ATP8B3: variants seen among roughly 807,000 people sequenced by gnomAD.
The protein encoded by ATP8B3 is ATPase phospholipid transporting 8B3, also known as phospholipid-transporting ATPase IK.
In ATP8B3, 141 loss-of-function variants were observed where a neutral mutation model predicts 140.9. The ratio of observed to expected loss-of-function variants is 1.00; its 90% CI spans 0.87 to 1.15. The LOEUF is 1.15. Ranked by LOEUF, ATP8B3 falls within the 50% of genes most tolerant of loss-of-function variation. ATP8B3 has a pLI of 0.00. For missense variants in ATP8B3, 1,874 were observed against 1,740.6 expected (o/e 1.08, Z -1.36); for synonymous variants, 765 against 714.6 (o/e 1.07, Z -1.13).
In ATP8B3 at chr19:1,789,012, T is replaced by TA. The variant is rs746818110; in HGVS notation, c.2953_2954insT (p.His985LeufsTer43). On this transcript the variant is annotated frameshift_variant, in exon 24 of 29. Coordinates refer to ENST00000310127, the MANE Select transcript of ATP8B3 (RefSeq NM_138813.4). LOFTEE classifies it high-confidence loss of function. ...GATCCGCACGTAGGACCAGCGGCCG[T>TA]GCACCAGCAGGAGGCGCTGCAGGAA... The TA allele has an allele frequency of 6.2e-7, 1 of 1,610,130 alleles. No homozygotes were observed. Among genetic ancestry groups the TA allele is most frequent in the South Asian group, 1.1e-5 (1 of 90,372 alleles).
rs1289722521 is a variant in ATP8B3, at chr19:1,808,230, T to C, written c.508A>G (p.Ile170Val). ...GAGGCAACACGCCTCACCTGCAGGA[T>C]GATGATGATGAGGAAGAACAGGTTG... ...VSNLFFLIII[I>V]LQSIPDISTL... is the part of the protein sequence containing the mutation. Residue 170 changes from isoleucine to valine, a missense_variant, in exon 5 of 29, where the codon ATC (isoleucine) becomes GTC (valine). Ile to Val is a conservative substitution (Grantham distance 29). Transcript: ENST00000310127. The C allele has an allele frequency of 1.2e-6, 2 of 1,601,570 alleles. No homozygotes were observed. Among genetic ancestry groups the C allele is most frequent in the African/African-American group, 2.7e-5 (2 of 74,730 alleles).
chr19:1,790,116 C>G, intron 21 of ATP8B3, 127 bp from the exon 22 acceptor site: 1 of 658,364 alleles, frequency 1.5e-6, no homozygotes, highest in Admixed American at 2.3e-5. Context: ...CTCCTCCCCA[C>G]TTCCCTCTTC....
rs775535225 is a variant in ATP8B3, at chr19:1,791,794, T to C, written c.2258A>G (p.Lys753Arg). ...CACCCATATTTTGATGTTGCTCTTC[T>C]TGAGACATTTGATGGTTTCAGGGAC... ...DGVPETIKCL[K>R]KSNIKIWVLT... The change falls in exon 20 of 29, where the codon AAG becomes AGG. Residue 753 changes from lysine to arginine, a missense_variant. Coordinates refer to ENST00000310127, the MANE Select transcript of ATP8B3 (RefSeq NM_138813.4). The C allele has an allele frequency of 1.2e-6, 2 of 1,612,000 alleles. No homozygotes were observed. The highest frequency in any genetic ancestry group is 8.5e-7 in the Non-Finnish European group (1 of 1,179,826).
chr19:1,804,619 A>G (rs2068955348), intron 10 of ATP8B3, among the ~76,000 whole-genome samples: 1 of 151,926 alleles, frequency 6.6e-6, no homozygotes, highest in Non-Finnish European at 1.5e-5. Context: ...AAAAAAAAAA[A>G]GAAAAAAGAA....
rs867287725 is a variant in ATP8B3, at chr19:1,806,730, C to T, written c.616-41G>A. 1.3e-6 allele frequency: 2 copies of T among 1,546,898 alleles called. No homozygotes were observed. The highest frequency in any genetic ancestry group is 1.7e-6 in the Non-Finnish European group (2 of 1,143,622). On this transcript the variant is annotated intron_variant, in intron 6 of 28. Transcript: ENST00000310127. The surrounding 1 kb of genome is among the most constrained non-coding windows in gnomAD (Gnocchi z 5.6). The stretch of plus-strand genomic sequence containing the variant: ...AAGGATCAGAGAGACCGTCCAGCCT[C>T]TCCTGCCCCCGCCCAGGCCGCTGCC...
In ATP8B3 at chr19:1,805,465, G is replaced by A. The variant is rs371244758; in HGVS notation, c.822-9C>T. The A allele has an allele frequency of 4.0e-5, 62 of 1,553,636 alleles. No individual in the cohort carries two copies. In the African/African-American group the frequency reaches 4.8e-4, roughly 12 times the overall value. On this transcript the variant is annotated splice_polypyrimidine_tract_variant and intron_variant, in intron 9 of 28. Coordinates refer to ENST00000310127, the MANE Select transcript of ATP8B3 (RefSeq NM_138813.4). This position sits in a 1 kb window ranked among gnomAD's most constrained non-coding sequence, Gnocchi z 5.2. ...ACTTCAAGTTGGTCTCCCTGGTGACGAGGAGAGGAGGGAGGTGAAAGTGGA... is the reference window on the plus strand; with the variant it reads ...ACTTCAAGTTGGTCTCCCTGGTGACAAGGAGAGGAGGGAGGTGAAAGTGGA...
chr19:1,812,037 G>A (rs572525163), intron 1 of ATP8B3, 149 bp downstream of exon 1: 133 of 334,530 alleles, frequency 4.0e-4, no homozygotes, highest in African/African-American at 2.5e-3. Flanking sequence ...AGGGCTGTCT[G>A]CACCCGCCCC....
chr19:1,809,730 G>T lies in ATP8B3; in HGVS notation c.315C>A (p.Phe105Leu). Reference protein sequence around the residue: ...DLQDEDRNSAFTWKVQANNRA... With the variant: ...DLQDEDRNSALTWKVQANNRA... ...GGTTGTTGGCCTGGACCTTCCAGGT[G>T]AATGCTGCAGCGAGAGAGCCGGGCG... Residue 105 changes from phenylalanine to leucine, a missense_variant, in exon 4 of 29, where the codon TTC becomes TTA. This residue lies in a region of ATP8B3 where 1,032 missense variants were observed against 963.6 expected (regional missense o/e 1.07). Transcript: ENST00000310127. 6.2e-7 allele frequency: 1 copy of T among 1,606,898 alleles called. No homozygotes were observed. Among genetic ancestry groups the T allele is most frequent in the Non-Finnish European group, 8.5e-7 (1 of 1,177,048 alleles).
At position 1,805,853 on chromosome 19, in the gene ATP8B3, C is replaced by G. The variant is rs762819073; in HGVS notation, c.821+35G>C. ...GGCTCCTCCGGGCCATGCTCCCCAC[C>G]CCCCAGGGTCCCCAGCGATGCCACA... On this transcript the variant is annotated intron_variant, in intron 9 of 28. Transcript: ENST00000310127. This position sits in a 1 kb window ranked among gnomAD's most constrained non-coding sequence, Gnocchi z 5.2. 1 of 1,611,294 alleles carries G rather than the reference C, an allele frequency of 6.2e-7. No individual in the cohort carries two copies.
At chr19:1,784,759 C>T in intron 28 of ATP8B3, 60 bp downstream of exon 28, 1 of 1,522,724 alleles carries the variant, frequency 6.6e-7, no homozygotes, top group African/African-American at 1.4e-5. Context: ...CCCTGCACGG[C>T]TCCCCAACCA....
intron 22 of ATP8B3, 68 bp from the exon 23 acceptor site, chr19:1,789,795 C>T (rs2068434135): frequency 1.3e-6 from 2 of 1,567,526 alleles, no homozygotes; most frequent in Non-Finnish European, 1.7e-6. Context: ...CTACCCGGCC[C>T]TCGGCCTCGC....
intron 14 of ATP8B3, among the ~76,000 whole-genome samples, chr19:1,797,242 A>G (rs1318115573): frequency 6.6e-6 from 1 of 151,902 alleles, no homozygotes; most frequent in Non-Finnish European, 1.5e-5. Flanking sequence ...CAGGGACCCC[A>G]AAAGGACAGC....
rs375953869 is a variant in ATP8B3 at position 1,785,441 on chromosome 19, G to A, written c.3393+28C>T. 4 of 1,607,986 alleles carry A rather than the reference G, an allele frequency of 2.5e-6. No individual in the cohort carries two copies. The African/African-American group carries it at 5.3e-5, about 21-fold the overall frequency. ...GAGGCCTCCATAGGCCATGTCCAAG[G>A]CCCCGGGGAGGTGAGGACCTTGCCC... On this transcript the variant is annotated intron_variant, in intron 26 of 28. Transcript: ENST00000310127.
At chr19:1,811,425 A>T in intron 2 of ATP8B3, 64 bp downstream of exon 2, 1 of 1,545,708 alleles carries the variant, frequency 6.5e-7, no homozygotes, top group Non-Finnish European at 8.7e-7. Context: ...CCAGCTCTCT[A>T]GCAGTGCCCT....
chr19:1,799,878 G>C, intron 14 of ATP8B3, 69 bp downstream of exon 14: 9 of 1,448,586 alleles, frequency 6.2e-6, no homozygotes, highest in Non-Finnish European at 8.5e-6. Flanking sequence ...ACGTGGCTCT[G>C]GTTCTCAGGC....
At chr19:1,791,077 C>G (rs555476850) in intron 20 of ATP8B3, among the ~76,000 whole-genome samples, 1 of 152,246 alleles carries the variant, frequency 6.6e-6, no homozygotes, top group African/African-American at 2.4e-5. Flanking sequence ...AGGCCAGGAT[C>G]AGCAGGCACA....
At chr19:1,796,354 TAC>T (rs2068674934) in intron 16 of ATP8B3, 89 bp from the exon 17 acceptor site, 2 of 1,240,592 alleles carry the variant, frequency 1.6e-6, no homozygotes, top group African/African-American at 3.0e-5. Flanking sequence ...TCGCCTGGGC[TAC>T]ACCTTTATTG....
At chr19:1,785,009 G>A in intron 27 of ATP8B3, 63 bp from the exon 28 acceptor site, 1 of 1,547,270 alleles carries the variant, frequency 6.5e-7, no homozygotes, top group South Asian at 1.3e-5. Context: ...CCCAGGCTAG[G>A]GAGCGCCTTG....
Position 1,782,266 on chromosome 19 carries a change from G to T in ATP8B3, c.*762C>A. 1 of 329,714 alleles carries T rather than the reference G, an allele frequency of 3.0e-6. No individual in the cohort carries two copies. The allele number at this position is 329,714 out of a possible 1,614,324, so 20.4% of individuals were successfully genotyped here. A position where few individuals can be genotyped will look rare whatever the true frequency, so the allele number is the denominator to read the frequency against. Reference sequence around the variant, plus strand: ...TGGGCTCGAAGATGCCTCTTCATCAGATGGGTCTAGGGATTCAGATGCTAC... The same window carrying T: ...TGGGCTCGAAGATGCCTCTTCATCATATGGGTCTAGGGATTCAGATGCTAC... On this transcript the variant is annotated 3_prime_UTR_variant, in exon 29 of 29. Coordinates refer to ENST00000310127, the MANE Select transcript of ATP8B3 (RefSeq NM_138813.4).
Sources: allele counts gnomAD v4.1 joint callset (sites outside exome capture counted in the v4.1 genomes callset), GRCh38; gene constraint gnomAD v4.1.1; regional missense constraint gnomAD v4.1.1; non-coding constraint Gnocchi (gnomAD v3.1); transcripts MANE v1.5; gene names NCBI Gene and HGNC (gene_info 2026-07-23, HGNC 2026-07-21).